TLN2: variants seen among roughly 807,000 people sequenced by gnomAD.
TLN2 encodes talin 2.
TLN2 carries 118 observed loss-of-function variants against 294.7 expected under a neutral mutation model. The observed-to-expected ratio is 0.40, with a 90% CI of 0.34 to 0.47. TLN2 has a LOEUF of 0.47. TLN2 is among the 20% of genes least tolerant of loss of function. The pLI is 0.84. For synonymous variants in TLN2, 1,431 were observed against 1,304.5 expected, an observed-to-expected ratio of 1.10 and a Z score of -2.09; for missense variants, 3,083 against 3,282.2, an observed-to-expected ratio of 0.94 and a Z score of 1.48.
At chr15:62,685,852 C>T (rs1370865023) in intron 11 of TLN2, among the ~76,000 whole-genome samples, 1 of 152,068 alleles carries the variant, frequency 6.6e-6, no homozygotes, top group East Asian at 1.9e-4. Flanking sequence ...TGCTCTCCTC[C>T]CCCTGGTCTA....
In TLN2 at chr15:62,740,720, G is replaced by C. The variant is rs779285512; in HGVS notation, c.3976G>C (p.Val1326Leu). Residue 1326 changes from valine (V) to leucine (L), a missense_variant, in exon 32 of 59, where the codon GTA becomes CTA. Physicochemically the swap from Val to Leu is conservative, Grantham distance 32 (BLOSUM62 1). Transcript: ENST00000636159. ...GCTGTTAGCTGCCAAGTCTCTCTCT[G>C]TAGATCCAGGAGCTCCCAATGCGAA... ...KLLLAAKSLSVDPGAPNAKNL... is the reference protein window; with the variant it reads ...KLLLAAKSLSLDPGAPNAKNL... The C allele has an allele frequency of 4.3e-6, 7 of 1,614,094 alleles. No individual in the cohort carries two copies. The highest frequency in any genetic ancestry group is 2.2e-5 in the South Asian group (2 of 91,072).
chr15:62,468,481 G>C (rs372594), intron 1 of TLN2, among the ~76,000 whole-genome samples: 144,647 of 152,234 alleles, frequency 0.95, 69,147 homozygotes, highest in East Asian at 1. Flanking sequence ...TGTGGTGGCT[G>C]ATGCCTGTAA....
chr15:62,693,955 CTTTTTTTTTTTTTTT>C (rs71131123), intron 13 of TLN2, among the ~76,000 whole-genome samples: 6 of 94,176 alleles, frequency 6.4e-5, no homozygotes, highest in Non-Finnish European at 8.7e-5. Context: ...GATTTTCTTT[CTTTTTTTTTTTTTTT>C]TTTTTTTTTT....
intron 1 of TLN2, among the ~76,000 whole-genome samples, chr15:62,589,070 C>G (rs2045884624): frequency 6.6e-6 from 1 of 152,092 alleles, no homozygotes; most frequent in Admixed American, 6.5e-5. Flanking sequence ...GATGTTTATT[C>G]TGTTTCGTAG....
intron 12 of TLN2, among the ~76,000 whole-genome samples, chr15:62,690,981 C>G (rs951400184): frequency 1.3e-4 from 19 of 144,674 alleles, no homozygotes; most frequent in Non-Finnish European, 2.6e-4. Context: ...CCAGCTTCGG[C>G]TCGGCATCAG....
intron 2 of TLN2, among the ~76,000 whole-genome samples, chr15:62,616,481 TGTG>T (rs1360815637): frequency 1.3e-5 from 2 of 152,226 alleles, no homozygotes; most frequent in Non-Finnish European, 2.9e-5. Flanking sequence ...CAGTCAGGAA[TGTG>T]GTGGTGTGAT....
At position 62,770,942 on chromosome 15, in the gene TLN2, C is replaced by CTTT. The variant is rs34815657; in HGVS notation, c.5197-8_5197-6dup. 4.3e-4 allele frequency: 636 copies of CTTT among 1,462,368 alleles called. 7 individuals carry two copies. Among genetic ancestry groups the CTTT allele is most frequent in the South Asian group, 1.3e-3 (96 of 74,284 alleles). The allele number at this position is 1,462,368 out of a possible 1,614,324, so 90.6% of individuals were successfully genotyped here. On this transcript the variant is annotated intron_variant, in intron 41 of 58. Coordinates refer to ENST00000636159, the MANE Select transcript of TLN2 (RefSeq NM_015059.3). ...GTGTATTTACATGATACATCTCTGG[C>CTTT]TTTTTTTTTTTTTTTTGAAAGGTGA...
intron 45 of TLN2, chr15:62,784,900 GTGC>G (rs1407207686): frequency 1.3e-5 from 2 of 152,206 alleles, no homozygotes; most frequent in Admixed American, 1.3e-4. Flanking sequence ...AAGTTACTCA[GTGC>G]TGCTATTTCT....
At position 62,640,322 on chromosome 15, in the gene TLN2, C is replaced by T. The variant is rs567917726; in HGVS notation, c.-36-6953C>T. On this transcript the variant is annotated intron_variant, in intron 3 of 58. Transcript: ENST00000636159. ...GCAAGTACAGCCATCCAAAATTGGG[C>T]ACAGAGGCCTTCCCAGGAGGTCACG... 37 of 456,036 alleles carry T rather than the reference C, an allele frequency of 8.1e-5. 1 individual carries two copies. The highest frequency in any genetic ancestry group is 5.3e-4 in the South Asian group (34 of 64,548). 28.2% of individuals were successfully genotyped at this position (456,036 alleles called of 1,614,324 possible).
At chr15:62,805,351 ACT>A (rs899339915) in intron 50 of TLN2, among the ~76,000 whole-genome samples, 1 of 151,958 alleles carries the variant, frequency 6.6e-6, no homozygotes, top group African/African-American at 2.4e-5. Context: ...ACAGGTTAAC[ACT>A]CTAGATACGT....
chr15:62,404,907 G>T (rs1300899392), intron 1 of TLN2, among the ~76,000 whole-genome samples: 1 of 152,186 alleles, frequency 6.6e-6, no homozygotes, highest in Non-Finnish European at 1.5e-5. Flanking sequence ...AGTTAGGTTT[G>T]GTACACTCAA....
rs2070837503 is a variant in TLN2 at position 62,842,755 on chromosome 15, CAGGCATCGAA to C, written c.*2148_*2157del. 6.6e-6 allele frequency: 1 copy of C among 152,174 alleles called. No individual in the cohort carries two copies. Among genetic ancestry groups the C allele is most frequent in the African/African-American group, 2.4e-5 (1 of 41,440 alleles). 9.4% of individuals were successfully genotyped at this position (152,174 alleles called of 1,614,324 possible). A position where few individuals can be genotyped will look rare whatever the true frequency, so the allele number is the denominator to read the frequency against. ...GCCTTTCCTTTATAACTCTAAAGAACAGGCATCGAAAGTTTATTTTTGTAGGAGCTATATA... is the reference window on the plus strand; with the variant it reads ...GCCTTTCCTTTATAACTCTAAAGAACAGTTTATTTTTGTAGGAGCTATATA... On this transcript the variant is annotated 3_prime_UTR_variant, in exon 59 of 59. Transcript: ENST00000636159.
chr15:62,550,815 A>G (rs142995718), intron 1 of TLN2, among the ~76,000 whole-genome samples: 237 of 152,236 alleles, frequency 1.6e-3, no homozygotes, highest in African/African-American at 5.3e-3. Flanking sequence ...GAGGTCCCCA[A>G]CCTTTTTGGT....
In TLN2 at chr15:62,513,764, A is replaced by G. The variant is rs542281474; in HGVS notation, c.-237-75923A>G. On this transcript the variant is annotated intron_variant, in intron 1 of 58. Transcript: ENST00000636159. ...GGTTTCAATCCAGATAGGGTCTAGAAGAAGTTCTACACAAAATTGGTGCTA... is the reference window on the plus strand; with the variant it reads ...GGTTTCAATCCAGATAGGGTCTAGAGGAAGTTCTACACAAAATTGGTGCTA... Among the ~76,000 whole-genome samples, 12 of 152,320 alleles carry G rather than the reference A, an allele frequency of 7.9e-5. No individual in the cohort carries two copies. The East Asian group carries it at 1.7e-3, about 22-fold the overall frequency.
rs971552712 is a variant in TLN2 at position 62,697,562 on chromosome 15, G to A, written c.1293-126G>A. ...CTTCTTCATTCCTGCTTCTCAGTCT[G>A]TATGTGCCTCTTTTAGTTGGCCTTC... On this transcript the variant is annotated intron_variant, in intron 14 of 58. Transcript: ENST00000636159. 1.2e-5 allele frequency: 12 copies of A among 1,002,650 alleles called. No individual in the cohort carries two copies. The African/African-American group carries it at 2.0e-4, about 16-fold the overall frequency. 62.1% of individuals were successfully genotyped at this position (1,002,650 alleles called of 1,614,324 possible).
chr15:62,728,953 C>T (rs759512006), intron 28 of TLN2, among the ~76,000 whole-genome samples: 1 of 152,064 alleles, frequency 6.6e-6, no homozygotes, highest in African/African-American at 2.4e-5. Context: ...TCTCCTCTGT[C>T]GTATTCTAGA....
chr15:62,604,802 A>G (rs755504986), intron 2 of TLN2, among the ~76,000 whole-genome samples: 36 of 150,396 alleles, frequency 2.4e-4, no homozygotes, highest in Non-Finnish European at 4.9e-4. Flanking sequence ...GTGTTCTCTG[A>G]TTTTCCATAG....
At chr15:62,500,215 G>T (rs2039235483) in intron 1 of TLN2, among the ~76,000 whole-genome samples, 1 of 152,128 alleles carries the variant, frequency 6.6e-6, no homozygotes, top group Non-Finnish European at 1.5e-5. Flanking sequence ...GCGCATGCCT[G>T]TAGTCCCAGC....
chr15:62,533,523 AATAGATAAGCACATCTAT>A (rs1228840138), intron 1 of TLN2, among the ~76,000 whole-genome samples: 2 of 152,186 alleles, frequency 1.3e-5, no homozygotes, highest in Non-Finnish European at 2.9e-5. Context: ...TATATATAAT[AATAGATAAGCACATCTAT>A]ATAGAAGGAG....
Sources: gnomAD v4.1 joint callset for allele counts (sites outside exome capture counted in the v4.1 genomes callset) on GRCh38, gnomAD v4.1.1 for gene constraint, MANE v1.5 for transcripts, NCBI Gene and HGNC (gene_info 2026-07-23, HGNC 2026-07-21) for gene names.